The following IQCB1 variants were observed in gnomAD, a reference collection of about 807,000 sequenced individuals.
The protein encoded by IQCB1 is IQ motif containing B1.
Under a neutral mutation model 84.4 loss-of-function variants are expected in IQCB1, and 56 were observed. The observed-to-expected ratio is 0.66, with a 90% CI of 0.54 to 0.83. The LOEUF (loss-of-function observed/expected upper bound fraction) is 0.83. IQCB1 is among the 40% of genes least tolerant of loss of function. The pLI, the probability that IQCB1 is intolerant of heterozygous loss-of-function variation, is 0.00. For missense variants in IQCB1, 629 were observed against 682.1 expected, an observed-to-expected ratio of 0.92 and a Z score of 0.87; for synonymous variants, 210 against 234.8, an observed-to-expected ratio of 0.89 and a Z score of 0.96.
At chr3:121,812,915 G>A (rs955529194) in intron 5 of IQCB1, among the ~76,000 whole-genome samples, 1 of 152,062 alleles carries the variant, frequency 6.6e-6, no homozygotes, top group Non-Finnish European at 1.5e-5. Context: ...GAAATACAGA[G>A]AATACCACTA....
chr3:121,776,600 G>A (rs2108514214), intron 13 of IQCB1, among the ~76,000 whole-genome samples: 1 of 152,280 alleles, frequency 6.6e-6, no homozygotes, highest in South Asian at 2.1e-4. Context: ...ATTAGAGAGA[G>A]GGTCTCAATA....
At chr3:121,815,072 C>T (rs539178555) in intron 5 of IQCB1, among the ~76,000 whole-genome samples, 8 of 152,216 alleles carry the variant, frequency 5.3e-5, no homozygotes, top group East Asian at 1.9e-4. Flanking sequence ...ATGATTAAGT[C>T]GGCTTCATCA....
rs56014818 is a variant in IQCB1, at chr3:121,808,833, C to T, written c.487+83G>A. 1,898 of 804,658 alleles carry T rather than the reference C, an allele frequency of 2.4e-3. 20 individuals are homozygous for T. The African/African-American group carries it at 0.027, about 12-fold the overall frequency. The allele number at this position is 804,658 out of a possible 1,614,324, so 49.8% of individuals were successfully genotyped here. A position where few individuals can be genotyped will look rare whatever the true frequency, so the allele number is the denominator to read the frequency against. On this transcript the variant is annotated intron_variant, in intron 6 of 14. Transcript: ENST00000310864. ...GTGGTTATCTGCACAGTTCATGTGG[C>T]ATTTGTTTTTGGAAAAAACGATCAA...
At chr3:121,776,043 C>T (rs985563996) in intron 13 of IQCB1, among the ~76,000 whole-genome samples, 4 of 84,814 alleles carry the variant, frequency 4.7e-5, no homozygotes, top group Admixed American at 2.5e-4. Flanking sequence ...GATTCATCCA[C>T]GTTTTTTTTT....
Position 121,797,170 on chromosome 3 carries a change from C to G in IQCB1, c.824G>C (p.Arg275Thr). The G allele has an allele frequency of 6.2e-7, 1 of 1,611,124 alleles. No homozygotes were observed. The highest frequency in any genetic ancestry group is 1.1e-5 in the South Asian group (1 of 90,978). ...TGGGCTTAAAAGGCCAACAAGCTGT[C>G]TAAGTTCTTGACTGAATTCAGTCCC... ...ETGTEFSQEL[R>T]QLVGLLSPMV... Residue 275 changes from arginine to threonine, a missense_variant, in exon 9 of 15, where the codon AGA (arginine) becomes ACA (threonine). Physicochemically the swap from Arg to Thr is moderately conservative, Grantham distance 71. Transcript: ENST00000310864.
chr3:121,791,590 T>C (rs1319163991), intron 10 of IQCB1, among the ~76,000 whole-genome samples: 1 of 152,160 alleles, frequency 6.6e-6, no homozygotes, highest in Non-Finnish European at 1.5e-5. Context: ...CTCTTGCTCT[T>C]TGTGAAAGCT....
intron 5 of IQCB1, among the ~76,000 whole-genome samples, chr3:121,811,958 G>A (rs1305178347): frequency 6.6e-6 from 1 of 152,220 alleles, no homozygotes. Context: ...CTAAGGAACA[G>A]AATGCCTCCT....
At chr3:121,822,583 C>A (rs901462992) in intron 5 of IQCB1, among the ~76,000 whole-genome samples, 2 of 152,198 alleles carry the variant, frequency 1.3e-5, no homozygotes, top group African/African-American at 4.8e-5. Context: ...AAAGAAATTA[C>A]CAGCAATTTC....
chr3:121,823,362 T>G (rs370249709), intron 5 of IQCB1, among the ~76,000 whole-genome samples: 1 of 152,068 alleles, frequency 6.6e-6, no homozygotes, highest in Non-Finnish European at 1.5e-5. Context: ...CCAAGCAAGA[T>G]AGACATCAGG....
At chr3:121,804,973 T>G (rs570090095) in intron 7 of IQCB1, among the ~76,000 whole-genome samples, 22 of 152,224 alleles carry the variant, frequency 1.4e-4, no homozygotes, top group Non-Finnish European at 2.8e-4. Context: ...AATGTTAATC[T>G]GCTGTTAATC....
chr3:121,779,276 T>C (rs1278779601), intron 13 of IQCB1, among the ~76,000 whole-genome samples: 3 of 152,144 alleles, frequency 2.0e-5, no homozygotes, highest in East Asian at 3.8e-4. Context: ...TTTCATTTAC[T>C]GGGCCACTTA....
Position 121,797,197 on chromosome 3 carries a change from G to A in IQCB1, c.797C>T (p.Thr266Ile), listed in dbSNP as rs1949231719. 6 of 1,606,328 alleles carry A rather than the reference G, an allele frequency of 3.7e-6. No homozygotes were observed. Among genetic ancestry groups the A allele is most frequent in the Non-Finnish European group, 4.3e-6 (5 of 1,174,244 alleles). ...AAGTTCTTGACTGAATTCAGTCCCA[G>A]TTTCCTGTTTACTTAGTAGACGTCT... ...GLRRLLSKQE[T>I]GTEFSQELRQ... The change falls in exon 9 of 15, where the codon ACT becomes ATT. Residue 266 changes from threonine (T) to isoleucine (I), a missense_variant. Physicochemically the swap from Thr to Ile is moderately conservative, Grantham distance 89. Coordinates refer to ENST00000310864, the MANE Select transcript of IQCB1 (RefSeq NM_001023570.4).
At chr3:121,816,724 C>A (rs1283298956) in intron 5 of IQCB1, among the ~76,000 whole-genome samples, 1 of 152,172 alleles carries the variant, frequency 6.6e-6, no homozygotes, top group Non-Finnish European at 1.5e-5. Flanking sequence ...TACCCTCTCA[C>A]TCCAGTTAGA....
intron 5 of IQCB1, among the ~76,000 whole-genome samples, chr3:121,822,892 A>G (rs904677659): frequency 4.6e-5 from 7 of 152,238 alleles, no homozygotes; most frequent in African/African-American, 1.7e-4. Context: ...TACCATTATA[A>G]AACAAAAAAT....
chr3:121,824,230 A>G (rs1950375769), intron 5 of IQCB1, among the ~76,000 whole-genome samples: 1 of 151,986 alleles, frequency 6.6e-6, no homozygotes, highest in Non-Finnish European at 1.5e-5. Flanking sequence ...CCCTATATAT[A>G]CTTTTTTTTT....
At chr3:121,829,024 A>C in intron 2 of IQCB1, 52 bp from the exon 3 acceptor site, 1 of 927,506 alleles carries the variant, frequency 1.1e-6, no homozygotes, top group South Asian at 1.3e-5. Flanking sequence ...GGAAATGTTC[A>C]CTACCTAAAT....
chr3:121,826,296 TAAAG>T, intron 4 of IQCB1, 116 bp from the exon 5 acceptor site: 1 of 1,025,028 alleles, frequency 9.8e-7, no homozygotes, highest in Non-Finnish European at 1.5e-6. Flanking sequence ...ACCAAGACAA[TAAAG>T]AATTTTTGTT....
intron 5 of IQCB1, among the ~76,000 whole-genome samples, chr3:121,823,691 A>G (rs909821239): frequency 2.0e-5 from 3 of 152,236 alleles, no homozygotes; most frequent in African/African-American, 7.2e-5. Flanking sequence ...TTACCAGCAG[A>G]ATTGCACTGT....
intron 1 of IQCB1, among the ~76,000 whole-genome samples, chr3:121,834,719 G>T (rs1708167481): frequency 6.6e-6 from 1 of 152,202 alleles, no homozygotes. Context: ...CTTTACTCCA[G>T]ATTCTAGACC....
Sources: allele counts gnomAD v4.1 joint callset (sites outside exome capture counted in the v4.1 genomes callset), GRCh38; gene constraint gnomAD v4.1.1; transcripts MANE v1.5; gene names NCBI Gene and HGNC (gene_info 2026-07-23, HGNC 2026-07-21).